The following ZBTB26 variants were observed in gnomAD, a reference collection of about 807,000 sequenced individuals.
ZBTB26 encodes the protein zinc finger and BTB domain-containing protein 26.
In ZBTB26, 12 loss-of-function variants were observed where a neutral mutation model predicts 31.6. The ratio of observed to expected loss-of-function variants is 0.38; its 90% CI spans 0.24 to 0.61. The LOEUF is 0.61. Among genes scored for constraint, ZBTB26 ranks in the 20% least tolerant of loss-of-function variants. The pLI, the probability that ZBTB26 is intolerant of heterozygous loss-of-function variation, is 0.60. For synonymous variants in ZBTB26, 155 were observed against 182.9 expected (o/e 0.85, Z 1.23); for missense variants, 311 against 521.9 (o/e 0.60, Z 3.94).
intron 1 of ZBTB26, among the ~76,000 whole-genome samples, chr9:122,928,081 C>T (rs757586744): frequency 4.6e-5 from 7 of 152,122 alleles, no homozygotes; most frequent in Admixed American, 2.6e-4. Context: ...GTGATCCATC[C>T]GCCTCGGCCT....
chr9:122,920,477 A>G (rs528051549), intron 1 of ZBTB26, among the ~76,000 whole-genome samples: 1 of 152,332 alleles, frequency 6.6e-6, no homozygotes, highest in Non-Finnish European at 1.5e-5. Flanking sequence ...TACAGCAAAC[A>G]TGGGTTCCTT....
intron 1 of ZBTB26, among the ~76,000 whole-genome samples, chr9:122,929,686 C>T (rs1023226070): frequency 1.1e-4 from 17 of 152,286 alleles, no homozygotes; most frequent in Non-Finnish European, 2.5e-4. Flanking sequence ...TTGTGAAATG[C>T]TTTAAATGTG....
chr9:122,924,853 G>A (rs1019973546), intron 1 of ZBTB26, among the ~76,000 whole-genome samples: 26 of 151,800 alleles, frequency 1.7e-4, no homozygotes, highest in African/African-American at 4.8e-4. Flanking sequence ...GTGTAGTGGC[G>A]CAATCAAATC....
At position 122,918,816 on chromosome 9, in the gene ZBTB26, A is replaced by C; in HGVS notation, c.1119T>G (p.Leu373=). The C allele has an allele frequency of 6.2e-7, 1 of 1,614,200 alleles. No homozygotes were observed. Among genetic ancestry groups the C allele is most frequent in the Non-Finnish European group, 8.5e-7 (1 of 1,180,022 alleles). ...AGCTGTTTTTGCCATGCAGCTGTTT[A>C]AGGTGTTTCCTCAAAACTGGTTTAT... ...FAHKPVLRKH[L]KQLHGKNSFD... Residue 373 remains leucine (L), a synonymous_variant, in exon 2 of 2, where the codon CTT becomes CTG. Coordinates refer to ENST00000373656, the MANE Select transcript of ZBTB26 (RefSeq NM_020924.4).
intron 1 of ZBTB26, among the ~76,000 whole-genome samples, chr9:122,928,728 A>G (rs990457421): frequency 3.3e-5 from 5 of 152,230 alleles, no homozygotes; most frequent in Non-Finnish European, 1.5e-5. Context: ...TAACCAAACT[A>G]AATCTCAATT....
intron 1 of ZBTB26, among the ~76,000 whole-genome samples, chr9:122,923,174 A>G (rs1019391696): frequency 7.8e-6 from 1 of 127,700 alleles, no homozygotes; most frequent in Admixed American, 9.0e-5. Context: ...ACAGAGCAAG[A>G]CTCCATCTCA....
At chr9:122,925,753 C>A (rs1429159569) in intron 1 of ZBTB26, among the ~76,000 whole-genome samples, 6 of 145,296 alleles carry the variant, frequency 4.1e-5, no homozygotes, top group African/African-American at 1.5e-4. Flanking sequence ...TGCCTGCCAC[C>A]ATGCCCAGCT....
In ZBTB26 at chr9:122,916,982, C is replaced by T. The variant is rs760491926; in HGVS notation, c.*1627G>A. On this transcript the variant is annotated 3_prime_UTR_variant, in exon 2 of 2. Transcript: ENST00000373656. ...AGTTTTCCACACAAAATCAACTTCG[C>T]ATTTAGATTCTTCTCACATTATTCT... The T allele has an allele frequency of 6.6e-6, 1 of 152,212 alleles. No homozygotes were observed. Among genetic ancestry groups the T allele is most frequent in the African/African-American group, 2.4e-5 (1 of 41,458 alleles). 9.4% of individuals were successfully genotyped at this position (152,212 alleles called of 1,614,324 possible).
chr9:122,928,672 C>G (rs1171123667), intron 1 of ZBTB26, among the ~76,000 whole-genome samples: 1 of 151,908 alleles, frequency 6.6e-6, no homozygotes, highest in African/African-American at 2.4e-5. Context: ...GTTTTATTAC[C>G]TCCCTATGTT....
At chr9:122,920,757 T>C (rs1026456055) in intron 1 of ZBTB26, among the ~76,000 whole-genome samples, 1 of 152,214 alleles carries the variant, frequency 6.6e-6, no homozygotes, top group Non-Finnish European at 1.5e-5. Flanking sequence ...ACATGAGCTA[T>C]ATGGTGGGAA....
Position 122,918,560 on chromosome 9 carries a change from CTA to C in ZBTB26, c.*47_*48del. On this transcript the variant is annotated 3_prime_UTR_variant, in exon 2 of 2. Transcript: ENST00000373656. ...AAAATCACTCCTAAAAAGACTAAGA[CTA>C]TTGCCACATTGTCAGTCAGTTCGAG... 6.4e-7 allele frequency: 1 copy of C among 1,570,424 alleles called. No homozygotes were observed. The highest frequency in any genetic ancestry group is 1.2e-5 in the South Asian group (1 of 82,058).
Position 122,916,473 on chromosome 9 carries a change from G to A in ZBTB26, c.*2136C>T, listed in dbSNP as rs555884673. 2.5e-4 allele frequency: 38 copies of A among 152,156 alleles called. No individual in the cohort carries two copies. The highest frequency in any genetic ancestry group is 6.5e-4 in the Admixed American group (10 of 15,278). 9.4% of individuals were successfully genotyped at this position (152,156 alleles called of 1,614,324 possible). A position where few individuals can be genotyped will look rare whatever the true frequency, so the allele number is the denominator to read the frequency against. On this transcript the variant is annotated 3_prime_UTR_variant, in exon 2 of 2. Coordinates refer to ENST00000373656, the MANE Select transcript of ZBTB26 (RefSeq NM_020924.4). ...AAAGAGACCAATCTTATTTGAACCCGTGCCTTTTAGTCTTCAAACCAGTAA... is the reference window on the plus strand; with the variant it reads ...AAAGAGACCAATCTTATTTGAACCCATGCCTTTTAGTCTTCAAACCAGTAA...
rs144953754 is a variant in ZBTB26, at chr9:122,918,747, A to G, written c.1188T>C (p.Asp396=). The change falls in exon 2 of 2, where the codon GAT becomes GAC. Residue 396 remains aspartate (D), a synonymous_variant. Transcript: ENST00000373656. Reference sequence around the variant, plus strand: ...CTGTTGTACATGCAAAAGAATCAAAATCCACTGTGAGGTCTTGTACATTTC... The same window carrying G: ...CTGTTGTACATGCAAAAGAATCAAAGTCCACTGTGAGGTCTTGTACATTTC... The part of the protein sequence containing the change: ...NERNVQDLTV[D]FDSFACTTVT... 24 of 1,614,078 alleles carry G rather than the reference A, an allele frequency of 1.5e-5. No homozygotes were observed. The African/African-American group carries it at 3.2e-4, about 22-fold the overall frequency.
Position 122,919,507 on chromosome 9 carries a change from C to T in ZBTB26, c.428G>A (p.Ser143Asn). Reference sequence around the variant, plus strand: ...CTGTTCTTTTGACTGGGGAGAAGCACTCTGTGGTTCACATCCCTCTTTACT... The same window carrying T: ...CTGTTCTTTTGACTGGGGAGAAGCATTCTGTGGTTCACATCCCTCTTTACT... Reference protein sequence around the residue: ...MDSKEGCEPQSASPQSKEQQG... With the variant: ...MDSKEGCEPQNASPQSKEQQG... The change falls in exon 2 of 2, where the codon AGT (serine) becomes AAT (asparagine). Residue 143 changes from serine to asparagine, a missense_variant. Ser to Asn is a conservative substitution (Grantham distance 46). This residue lies in a region of ZBTB26 where 207 missense variants were observed against 298.6 expected (regional missense o/e 0.69). Coordinates refer to ENST00000373656, the MANE Select transcript of ZBTB26 (RefSeq NM_020924.4). This position sits in a 1 kb window ranked among gnomAD's most constrained non-coding sequence, Gnocchi z 6.1. The T allele has an allele frequency of 3.1e-6, 5 of 1,614,236 alleles. No individual in the cohort carries two copies. Among genetic ancestry groups the T allele is most frequent in the Non-Finnish European group, 3.4e-6 (4 of 1,180,036 alleles).
intron 1 of ZBTB26, among the ~76,000 whole-genome samples, chr9:122,925,400 C>T (rs953112138): frequency 3.9e-5 from 6 of 151,964 alleles, no homozygotes; most frequent in African/African-American, 7.3e-5. Flanking sequence ...AATAAATTGA[C>T]CCATTTAATC....
intron 1 of ZBTB26, among the ~76,000 whole-genome samples, chr9:122,920,838 T>A (rs933413254): frequency 9.2e-5 from 14 of 152,228 alleles, no homozygotes; most frequent in African/African-American, 3.4e-4. Context: ...TCCCTATTTA[T>A]CAATCATTAG....
At chr9:122,930,173 T>C (rs1833248837) in intron 1 of ZBTB26, among the ~76,000 whole-genome samples, 1 of 152,210 alleles carries the variant, frequency 6.6e-6, no homozygotes, top group African/African-American at 2.4e-5. Context: ...GACAGCTCTA[T>C]GTGTCTGTCT....
chr9:122,919,636 A>C lies in ZBTB26; in HGVS notation c.299T>G (p.Leu100Arg). 6 of 1,614,212 alleles carry C rather than the reference A, an allele frequency of 3.7e-6. No homozygotes were observed. The highest frequency in any genetic ancestry group is 5.1e-6 in the Non-Finnish European group (6 of 1,180,026). ...SGVLEFPEMELVNYLTAASFL... is the reference protein window; with the variant it reads ...SGVLEFPEMERVNYLTAASFL... ...ACTTGCAGCAGTCAAGTAATTTACC[A>C]GTTCCATCTCAGGGAATTCCAGCAC... Residue 100 changes from leucine to arginine, a missense_variant, in exon 2 of 2, where the codon CTG becomes CGG. Transcript: ENST00000373656. The surrounding 1 kb of genome is among the most constrained non-coding windows in gnomAD (Gnocchi z 6.1).
At position 122,918,602 on chromosome 9, in the gene ZBTB26, C is replaced by G. The variant is rs1833050175; in HGVS notation, c.*7G>C. On this transcript the variant is annotated 3_prime_UTR_variant, in exon 2 of 2. Coordinates refer to ENST00000373656, the MANE Select transcript of ZBTB26 (RefSeq NM_020924.4). ...GTCAGTTCGAGTTGTGAGCATGAAGCCCCTACTCAATTCACACAAGTACTA... is the reference window on the plus strand; with the variant it reads ...GTCAGTTCGAGTTGTGAGCATGAAGGCCCTACTCAATTCACACAAGTACTA... The G allele has an allele frequency of 1.2e-6, 2 of 1,606,374 alleles. No homozygotes were observed. Among genetic ancestry groups the G allele is most frequent in the East Asian group, 2.2e-5 (1 of 44,852 alleles).
Sources: gnomAD v4.1 joint callset for allele counts (sites outside exome capture counted in the v4.1 genomes callset) on GRCh38, gnomAD v4.1.1 for gene constraint, gnomAD v4.1.1 regional missense constraint, Gnocchi (gnomAD v3.1) non-coding constraint, MANE v1.5 for transcripts, NCBI Gene and HGNC (gene_info 2026-07-23, HGNC 2026-07-21) for gene names.